Variants in DPH6 observed in about 807,000 individuals in gnomAD.
DPH6 encodes the protein diphthamine biosynthesis 6, also known as diphthine--ammonia ligase.
A neutral mutation model predicts 38.2 loss-of-function variants in DPH6; 33 were observed. The ratio of observed to expected loss-of-function variants is 0.86; its 90% confidence interval spans 0.65 to 1.15. DPH6 has a LOEUF of 1.15. Among genes scored for constraint, DPH6 ranks in the 50% most tolerant of loss-of-function variants. DPH6 has a pLI of 0.00. For synonymous variants in DPH6, 108 were observed against 103.0 expected, an observed-to-expected ratio of 1.05 and a Z score of -0.30; for missense variants, 325 against 320.0, an observed-to-expected ratio of 1.02 and a Z score of -0.12.
chr15:35,157,780 T>G, the DPH6 span, among the ~76,000 whole-genome samples: 1 of 152,078 alleles, frequency 6.6e-6, no homozygotes, highest in Admixed American at 6.6e-5. Context: ...GTGAACAAAT[T>G]GGACAATGAA....
chr15:35,459,990 T>C (rs2054043722), intron 3 of DPH6, among the ~76,000 whole-genome samples: 1 of 152,132 alleles, frequency 6.6e-6, no homozygotes, highest in Admixed American at 6.5e-5. Context: ...ACAAAGCTGG[T>C]AAATAAAACA....
intron 3 of DPH6, among the ~76,000 whole-genome samples, chr15:35,282,333 G>T (rs944674772): frequency 6.6e-6 from 1 of 151,980 alleles, no homozygotes; most frequent in African/African-American, 2.4e-5. Context: ...TGCTACAACT[G>T]GCTAATTTTT....
Position 35,303,792 on chromosome 15 carries a change from T to C in DPH6, n.200+69729A>G, listed in dbSNP as rs180764499. Among the ~76,000 whole-genome samples, 522 of 150,206 alleles carry C rather than the reference T, an allele frequency of 3.5e-3. 1 individual carries two copies. Among genetic ancestry groups the C allele is most frequent in the Middle Eastern group, 0.01 (3 of 292 alleles). The stretch of plus-strand genomic sequence containing the variant: ...GGGAATATAGTCATCTTTTTTCCCC[T>C]TTTTTTTTAAAGAAGGATACTAATT... On this transcript the variant is annotated intron_variant and non_coding_transcript_variant, in intron 3 of 3. Transcript: ENST00000560386.
At chr15:35,508,428 T>C (rs769594577) in intron 3 of DPH6, among the ~76,000 whole-genome samples, 1 of 152,178 alleles carries the variant, frequency 6.6e-6, no homozygotes, top group Non-Finnish European at 1.5e-5. Context: ...AGAAAATGAA[T>C]GTAAAACATG....
At chr15:35,268,172 A>AAAAT (rs200566883) in intron 3 of DPH6, among the ~76,000 whole-genome samples, 4,028 of 140,486 alleles carry the variant, frequency 0.029, 68 homozygotes, top group African/African-American at 0.044. Flanking sequence ...TCTGTCTCAA[A>AAAAT]AAATAAATAA....
At chr15:35,418,057 T>G (rs759499725) in intron 5 of DPH6, among the ~76,000 whole-genome samples, 3 of 152,140 alleles carry the variant, frequency 2.0e-5, no homozygotes, top group Non-Finnish European at 2.9e-5. Context: ...GAAAAGATTT[T>G]TCTTTTTTAA....
chr15:35,359,992 T>C (rs62002864), intron 3 of DPH6, among the ~76,000 whole-genome samples: 9,275 of 152,292 alleles, frequency 0.061, 298 homozygotes, highest in Middle Eastern at 0.14. Context: ...TCTGAATTCT[T>C]TGTCAAGCAG....
At chr15:35,436,346 C>G (rs113315112) in intron 5 of DPH6, among the ~76,000 whole-genome samples, 4,642 of 150,948 alleles carry the variant, frequency 0.031, 211 homozygotes, top group African/African-American at 0.1. Context: ...GGCGCCTGTA[C>G]TCCCAGCTAC....
At chr15:35,180,681 A>G in the DPH6 span, among the ~76,000 whole-genome samples, 1 of 151,896 alleles carries the variant, frequency 6.6e-6, no homozygotes, top group Admixed American at 6.6e-5. Context: ...GGATCTTATC[A>G]TGTTGCCCAG....
chr15:35,283,171 CT>C (rs1322695470), intron 3 of DPH6, among the ~76,000 whole-genome samples: 1 of 148,942 alleles, frequency 6.7e-6, no homozygotes, highest in Non-Finnish European at 1.5e-5. Flanking sequence ...CCCCCTCCCC[CT>C]CTTCCTCTTC....
At chr15:35,176,716 C>T in the DPH6 span, among the ~76,000 whole-genome samples, 3 of 152,204 alleles carry the variant, frequency 2.0e-5, no homozygotes, top group Non-Finnish European at 4.4e-5. Flanking sequence ...GGTGATCCGC[C>T]CGCCTTGGCC....
rs1313203675 is a variant in DPH6 at position 35,371,582 on chromosome 15, A to G, written c.*568T>C. ...GTCAACATAGTTAATACTGAAAAAC[A>G]GCATTTTAAAAATCAGTTATAAAAT... On this transcript the variant is annotated 3_prime_UTR_variant, in exon 9 of 9. Transcript: ENST00000256538. 12 of 980,756 alleles carry G rather than the reference A, an allele frequency of 1.2e-5. No homozygotes were observed. The highest frequency in any genetic ancestry group is 1.5e-5 in the Non-Finnish European group (12 of 825,860). 60.8% of individuals were successfully genotyped at this position (980,756 alleles called of 1,614,324 possible).
intron 3 of DPH6, among the ~76,000 whole-genome samples, chr15:35,466,853 A>C (rs1253566270): frequency 6.6e-6 from 1 of 152,212 alleles, no homozygotes; most frequent in African/African-American, 2.4e-5. Flanking sequence ...CCATAGAAAA[A>C]GTACAGTAAA....
In DPH6 at chr15:35,351,567, A is replaced by G. The variant is rs1174356133; in HGVS notation, n.208-20490T>C. The stretch of plus-strand genomic sequence containing the variant: ...TTTCTATCTTTTGTGTATCCACTTT[A>G]CATTATTTTTGTGGTTACCATGGAG... On this transcript the variant is annotated intron_variant and non_coding_transcript_variant, in intron 3 of 3. Coordinates refer to the DPH6 transcript ENST00000558973. 6.6e-5 allele frequency among the ~76,000 whole-genome samples: 10 copies of G among 152,004 alleles called. 1 individual carries two copies. Among genetic ancestry groups the G allele is most frequent in the Admixed American group, 6.6e-4 (10 of 15,262 alleles).
intron 3 of DPH6, among the ~76,000 whole-genome samples, chr15:35,308,242 A>G (rs949137840): frequency 7.9e-5 from 12 of 152,128 alleles, no homozygotes; most frequent in African/African-American, 2.9e-4. Context: ...GCATAAATAA[A>G]TAAATAAATA....
chr15:35,157,422 C>T, the DPH6 span, among the ~76,000 whole-genome samples: 10 of 152,080 alleles, frequency 6.6e-5, no homozygotes, highest in African/African-American at 2.4e-4. Flanking sequence ...TGTTTAAAAT[C>T]TTGGGGGGTA....
chr15:35,242,131 C>T (rs2051604348), intron 3 of DPH6, among the ~76,000 whole-genome samples: 1 of 144,702 alleles, frequency 6.9e-6, no homozygotes, highest in African/African-American at 2.5e-5. Context: ...CTGGGCTGTA[C>T]CGCCGCAAAG....
At chr15:35,237,772 C>A (rs1220020667) in intron 3 of DPH6, 1 of 1,609,148 alleles carries the variant, frequency 6.2e-7, no homozygotes, top group Admixed American at 1.7e-5. Context: ...ACGGCTATGA[C>A]CGGGACGACA....
chr15:35,419,618 C>T (rs1247462510), intron 5 of DPH6, among the ~76,000 whole-genome samples: 1 of 151,846 alleles, frequency 6.6e-6, no homozygotes, highest in Non-Finnish European at 1.5e-5. Flanking sequence ...ATATTCCATG[C>T]AAATAGAAAC....
Sources: allele counts gnomAD v4.1 joint callset (sites outside exome capture counted in the v4.1 genomes callset), GRCh38; gene constraint gnomAD v4.1.1; transcripts MANE v1.5; gene names NCBI Gene and HGNC (gene_info 2026-07-23, HGNC 2026-07-21).